Variants in ZNF280C observed in about 807,000 individuals in gnomAD.
ZNF280C encodes the protein suppressor of hairy wing homolog 3.
In ZNF280C, 14 loss-of-function variants were observed where a neutral mutation model predicts 53.6. That is an observed-to-expected ratio of 0.26 (90% CI 0.17 to 0.41). ZNF280C has a LOEUF of 0.41. Ranked by LOEUF, ZNF280C falls within the 10% of genes least tolerant of loss-of-function variation. The probability of loss-of-function intolerance (pLI) is 1.00; values close to 1 mark genes in which losing one functional copy is unlikely to be tolerated. For synonymous variants in ZNF280C, 203 were observed against 181.1 expected, an observed-to-expected ratio of 1.12 and a Z score of -0.97; for missense variants, 416 against 547.1, an observed-to-expected ratio of 0.76 and a Z score of 2.39.
chrX:130,213,122 G>C lies in ZNF280C; in HGVS notation c.1979+2071C>G, dbSNP rs992462227. 6.3e-5 allele frequency among the ~76,000 whole-genome samples: 7 copies of C among 111,702 alleles called. No individual in the cohort carries two copies. The Admixed American group carries it at 6.7e-4, about 11-fold the overall frequency. On this transcript the variant is annotated intron_variant, in intron 15 of 18. Transcript: ENST00000370978. ...TAATCCCAGAACTTTGGGAGGCCGA[G>C]GCGGGCGGATCATGAGGTCAGGAGA...
intron 1 of ZNF280C, among the ~76,000 whole-genome samples, chrX:130,263,042 G>A (rs1230955362): frequency 8.9e-6 from 1 of 112,277 alleles, no homozygotes; most frequent in Non-Finnish European, 1.9e-5. Context: ...AGGATGGCTA[G>A]AATTAAAAGA....
At chrX:130,228,189 A>C (rs1159295772) in intron 10 of ZNF280C, among the ~76,000 whole-genome samples, 1 of 112,371 alleles carries the variant, frequency 8.9e-6, no homozygotes, top group Non-Finnish European at 1.9e-5. Flanking sequence ...AAAACCATGG[A>C]ATCTGGGTGT....
chrX:130,240,170 A>C (rs1214238547), intron 5 of ZNF280C, among the ~76,000 whole-genome samples: 1 of 111,771 alleles, frequency 8.9e-6, no homozygotes, highest in East Asian at 2.8e-4. Flanking sequence ...TGACTAAATA[A>C]ATTAAATGAT....
At chrX:130,213,401 A>G (rs2032064322) in intron 15 of ZNF280C, among the ~76,000 whole-genome samples, 1 of 111,074 alleles carries the variant, frequency 9.0e-6, no homozygotes. Flanking sequence ...ACAAAAACAA[A>G]GCGGTATTTT....
chrX:130,213,492 T>C (rs777567975), intron 15 of ZNF280C, among the ~76,000 whole-genome samples: 116 of 112,211 alleles, frequency 1.0e-3, no homozygotes, highest in Non-Finnish European at 2.0e-3. Flanking sequence ...GAACTGAGCA[T>C]AGGGATACAT....
At chrX:130,249,728 A>C (rs1269008937) in intron 2 of ZNF280C, among the ~76,000 whole-genome samples, 1 of 111,861 alleles carries the variant, frequency 8.9e-6, no homozygotes, top group Non-Finnish European at 1.9e-5. Context: ...CAGCAAAAGA[A>C]CTCTGACAAC....
intron 12 of ZNF280C, among the ~76,000 whole-genome samples, chrX:130,224,906 C>T (rs912494244): frequency 5.4e-5 from 6 of 111,862 alleles, no homozygotes; most frequent in Non-Finnish European, 9.4e-5. Flanking sequence ...ATGTAAACCA[C>T]TCTTATCAGT....
At chrX:130,235,977 A>G (rs1042399186) in intron 8 of ZNF280C, among the ~76,000 whole-genome samples, 6 of 111,942 alleles carry the variant, frequency 5.4e-5, no homozygotes, top group African/African-American at 1.9e-4. Context: ...TTCACTTAAC[A>G]TAATGGCTTC....
At chrX:130,219,189 T>C (rs986205362) in intron 13 of ZNF280C, among the ~76,000 whole-genome samples, 2 of 111,602 alleles carry the variant, frequency 1.8e-5, no homozygotes, top group Non-Finnish European at 1.9e-5. Flanking sequence ...GCTAACTTTA[T>C]GTAAAGAAGT....
At chrX:130,265,375 C>T (rs778842389) in intron 1 of ZNF280C, among the ~76,000 whole-genome samples, 1 of 111,845 alleles carries the variant, frequency 8.9e-6, no homozygotes, top group East Asian at 2.8e-4. Context: ...TATAGGCATA[C>T]GCTTTTATTA....
At chrX:130,239,258 C>T (rs772742469) in intron 6 of ZNF280C, among the ~76,000 whole-genome samples, 5 of 111,412 alleles carry the variant, frequency 4.5e-5, no homozygotes, top group South Asian at 3.7e-4. Flanking sequence ...TACTTGTTTT[C>T]GCAGAGTATT....
At chrX:130,215,378 AAAT>A in intron 14 of ZNF280C, 45 bp from the exon 15 acceptor site, 2 of 1,076,753 alleles carry the variant, frequency 1.9e-6, no homozygotes, top group Non-Finnish European at 2.5e-6. Flanking sequence ...TATAAAACAA[AAAT>A]AACAGGGGAA....
intron 13 of ZNF280C, among the ~76,000 whole-genome samples, chrX:130,218,068 G>A (rs1192768126): frequency 3.6e-5 from 4 of 111,035 alleles, no homozygotes; most frequent in African/African-American, 1.3e-4. Context: ...AGGCTGAGGT[G>A]GGAGGATCGC....
In ZNF280C at chrX:130,215,280, A is replaced by G; in HGVS notation, c.1892T>C (p.Phe631Ser). The change falls in exon 15 of 19, where the codon TTT (phenylalanine) becomes TCT (serine). Residue 631 changes from phenylalanine (F) to serine (S), a missense_variant. Phe to Ser is a radical substitution (Grantham distance 155). Coordinates refer to ENST00000370978, the MANE Select transcript of ZNF280C (RefSeq NM_017666.5). ...CIECHSKIKD[F>S]ASHFSIYIHC... ...GATGTATATAGAAAAGTGGCTTGCAAAATCTTTTATTTTGGAATGACATTC... is the reference window on the plus strand; with the variant it reads ...GATGTATATAGAAAAGTGGCTTGCAGAATCTTTTATTTTGGAATGACATTC... 3 of 1,204,395 alleles carry G rather than the reference A, an allele frequency of 2.5e-6. No individual in the cohort carries two copies. Among genetic ancestry groups the G allele is most frequent in the Non-Finnish European group, 3.4e-6 (3 of 891,788 alleles).
intron 3 of ZNF280C, 79 bp from the exon 4 acceptor site, chrX:130,243,944 C>A: frequency 1.7e-6 from 1 of 600,655 alleles, no homozygotes; most frequent in Non-Finnish European, 2.4e-6. Context: ...AAAAACATAT[C>A]TTTGCATAAC....
chrX:130,216,228 G>A, intron 13 of ZNF280C, 127 bp from the exon 14 acceptor site: 2 of 558,309 alleles, frequency 3.6e-6, no homozygotes, highest in South Asian at 8.2e-5. Context: ...ATTTCCAATG[G>A]GGCAAAAAAT....
chrX:130,236,437 A>AT (rs754963983), intron 7 of ZNF280C, 32 bp downstream of exon 7: 125 of 1,119,881 alleles, frequency 1.1e-4, no homozygotes, highest in Non-Finnish European at 1.2e-4. Context: ...AAATAATACT[A>AT]TTTTTTTTTA....
chrX:130,222,276 C>CCACACACACACACACACACACACACA (rs59694150), intron 12 of ZNF280C, among the ~76,000 whole-genome samples: 2 of 69,937 alleles, frequency 2.9e-5, no homozygotes, highest in Non-Finnish European at 5.2e-5. Context: ...CATTCAGACA[C>CCACACACACACACACACACACACACA]CACACACACA....
intron 2 of ZNF280C, among the ~76,000 whole-genome samples, chrX:130,250,310 T>C (rs1329691504): frequency 1.8e-5 from 2 of 110,836 alleles, no homozygotes; most frequent in African/African-American, 3.3e-5. Context: ...CTGAAGGAGA[T>C]TGAGACAAGA....
Sources: gnomAD v4.1 joint callset for allele counts (sites outside exome capture counted in the v4.1 genomes callset) on GRCh38, gnomAD v4.1.1 for gene constraint, MANE v1.5 for transcripts, NCBI Gene and HGNC (gene_info 2026-07-23, HGNC 2026-07-21) for gene names.